TECR: variants seen among roughly 807,000 people sequenced by gnomAD.
TECR encodes the protein very-long-chain enoyl-CoA reductase.
In TECR, 19 loss-of-function variants were observed where a neutral mutation model predicts 50.6. The ratio of observed to expected loss-of-function variants is 0.38; its 90% CI spans 0.26 to 0.55. The LOEUF (loss-of-function observed/expected upper bound fraction) is 0.55. TECR is among the 20% of genes least tolerant of loss of function. TECR has a pLI of 0.79. For missense variants in TECR, 313 were observed against 408.3 expected (o/e 0.77, Z 2.01); for synonymous variants, 168 against 163.5 (o/e 1.03, Z -0.21).
At chr19:14,536,923 C>T (rs4926126) in intron 1 of TECR, among the ~76,000 whole-genome samples, 1 of 145,972 alleles carries the variant, frequency 6.9e-6, no homozygotes, top group African/African-American at 2.6e-5. Flanking sequence ...CGGCCCTACT[C>T]ACCTCTGGAC....
At chr19:14,535,981 A>G (rs191240696) in intron 1 of TECR, among the ~76,000 whole-genome samples, 3 of 151,890 alleles carry the variant, frequency 2.0e-5, no homozygotes, top group African/African-American at 7.2e-5. Context: ...CTTTGTACTT[A>G]GGCCATTTCT....
At chr19:14,548,376 A>G (rs555213355) in intron 1 of TECR, among the ~76,000 whole-genome samples, 26 of 152,200 alleles carry the variant, frequency 1.7e-4, no homozygotes, top group Middle Eastern at 6.8e-3. Context: ...CCCAGGCCCT[A>G]AGCTGTTTGA....
intron 1 of TECR, among the ~76,000 whole-genome samples, chr19:14,533,105 CTG>C (rs2072734192): frequency 6.7e-6 from 1 of 148,414 alleles, no homozygotes; most frequent in East Asian, 2.0e-4. Flanking sequence ...GAGCGAGACT[CTG>C]TTTTAAAAAA....
At chr19:14,535,736 AAC>A (rs1470720761) in intron 1 of TECR, among the ~76,000 whole-genome samples, 1 of 133,718 alleles carries the variant, frequency 7.5e-6, no homozygotes, top group African/African-American at 2.9e-5. Flanking sequence ...GGTCCTGGGC[AAC>A]AGAGTGAGAC....
At chr19:14,560,515 C>T (rs1260093202) in intron 1 of TECR, among the ~76,000 whole-genome samples, 1 of 152,242 alleles carries the variant, frequency 6.6e-6, no homozygotes, top group Non-Finnish European at 1.5e-5. Flanking sequence ...TGTCCCTATC[C>T]TACATATCCC....
At chr19:14,541,178 G>T (rs897380579) in intron 1 of TECR, among the ~76,000 whole-genome samples, 5 of 151,954 alleles carry the variant, frequency 3.3e-5, no homozygotes, top group South Asian at 2.1e-4. Flanking sequence ...CAGTCTCACC[G>T]TGTTGCCCAG....
intron 1 of TECR, chr19:14,545,835 T>C (rs8110587): frequency 0.75 from 114,703 of 152,544 alleles, 43,747 homozygotes; most frequent in African/African-American, 0.8. Context: ...GTGGGTTCCC[T>C]GGCTTCTTCC....
At chr19:14,539,471 C>T (rs1006464049) in intron 1 of TECR, among the ~76,000 whole-genome samples, 6 of 152,114 alleles carry the variant, frequency 3.9e-5, no homozygotes, top group African/African-American at 1.4e-4. Flanking sequence ...CACCTAGGAG[C>T]ACACTGCTTC....
At chr19:14,538,081 G>A (rs2072968817) in intron 1 of TECR, among the ~76,000 whole-genome samples, 1 of 152,128 alleles carries the variant, frequency 6.6e-6, no homozygotes, top group Non-Finnish European at 1.5e-5. Context: ...TATCTAAATC[G>A]TGTACTAAAC....
chr19:14,539,700 G>A (rs1394574554), intron 1 of TECR, among the ~76,000 whole-genome samples: 3 of 152,020 alleles, frequency 2.0e-5, no homozygotes, highest in East Asian at 3.9e-4. Flanking sequence ...CCTCGGCCCT[G>A]GATGCCCTTC....
At chr19:14,553,040 G>T (rs992469538) in intron 1 of TECR, among the ~76,000 whole-genome samples, 15 of 152,026 alleles carry the variant, frequency 9.9e-5, no homozygotes, top group Admixed American at 2.0e-4. Context: ...AGAATGGGGG[G>T]CAGGCCCAGG....
intron 1 of TECR, among the ~76,000 whole-genome samples, chr19:14,546,606 C>CA (rs1374246834): frequency 6.6e-6 from 1 of 152,190 alleles, no homozygotes; most frequent in African/African-American, 2.4e-5. Context: ...GGCCTGGCTG[C>CA]ATGCACTACC....
chr19:14,535,667 T>A (rs1481254325), intron 1 of TECR, among the ~76,000 whole-genome samples: 4 of 135,082 alleles, frequency 3.0e-5, no homozygotes, highest in African/African-American at 1.2e-4. Flanking sequence ...GGCAGGAGAA[T>A]TCGTTTGAAC....
At chr19:14,541,285 G>A (rs1218019070) in intron 1 of TECR, among the ~76,000 whole-genome samples, 1 of 152,126 alleles carries the variant, frequency 6.6e-6, no homozygotes, top group South Asian at 2.1e-4. Flanking sequence ...CTGGCAACTG[G>A]CTTCTTCTGG....
At chr19:14,559,252 A>C (rs2073834858) in intron 1 of TECR, among the ~76,000 whole-genome samples, 1 of 152,068 alleles carries the variant, frequency 6.6e-6, no homozygotes, top group African/African-American at 2.4e-5. Flanking sequence ...CACGTGCATC[A>C]TTGTGCAGCC....
intron 7 of TECR, chr19:14,564,561 C>T (rs1301695579): frequency 2.0e-6 from 1 of 506,004 alleles, no homozygotes; most frequent in South Asian, 2.0e-5. Context: ...CCCGCCCCTG[C>T]AGAGCCCCGC....
chr19:14,548,599 A>G (rs2073382041), intron 1 of TECR, among the ~76,000 whole-genome samples: 1 of 151,970 alleles, frequency 6.6e-6, no homozygotes, highest in Non-Finnish European at 1.5e-5. Flanking sequence ...TCTTTTAGAG[A>G]CGGAGTTTTG....
At chr19:14,558,286 C>A (rs1317281872) in intron 1 of TECR, among the ~76,000 whole-genome samples, 1 of 152,110 alleles carries the variant, frequency 6.6e-6, no homozygotes, top group Non-Finnish European at 1.5e-5. Context: ...CAACGAGAGC[C>A]CCCCTTTTCA....
chr19:14,553,499 G>A (rs1338145802), intron 1 of TECR, among the ~76,000 whole-genome samples: 1 of 152,164 alleles, frequency 6.6e-6, no homozygotes, highest in Non-Finnish European at 1.5e-5. Context: ...GTCATACACT[G>A]AGGCCACTGG....
Sources: gnomAD v4.1 joint callset for allele counts (sites outside exome capture counted in the v4.1 genomes callset) on GRCh38, gnomAD v4.1.1 for gene constraint, MANE v1.5 for transcripts, NCBI Gene and HGNC (gene_info 2026-07-23, HGNC 2026-07-21) for gene names.